Variants in FDFT1 observed in about 807,000 individuals in gnomAD.
FDFT1 encodes the protein farnesyl-diphosphate farnesyltransferase 1, also known as squalene synthase.
Under a neutral mutation model 46.8 loss-of-function variants are expected in FDFT1, and 68 were observed. That is an observed-to-expected ratio of 1.45 (90% CI 1.19 to 1.78). The LOEUF is 1.78. Ranked by LOEUF, FDFT1 falls within the 40% of genes most tolerant of loss-of-function variation. FDFT1 has a pLI of 0.00. For missense variants in FDFT1, 928 were observed against 524.4 expected, an observed-to-expected ratio of 1.77 and a Z score of -7.52; for synonymous variants, 351 against 185.1, an observed-to-expected ratio of 1.90 and a Z score of -7.28.
At chr8:11,828,404 C>CT (rs1193000506) in intron 5 of FDFT1, among the ~76,000 whole-genome samples, 1 of 152,228 alleles carries the variant, frequency 6.6e-6, no homozygotes, top group East Asian at 1.9e-4. Context: ...CCACTCTTGT[C>CT]TTACCCCTCT....
chr8:11,828,620 C>T (rs1007924625), intron 5 of FDFT1, among the ~76,000 whole-genome samples: 1 of 152,252 alleles, frequency 6.6e-6, no homozygotes, highest in Non-Finnish European at 1.5e-5. Flanking sequence ...AGGAGCAGAG[C>T]CCTGCTCTTC....
chr8:11,803,491 TATG>T (rs1333412172), intron 1 of FDFT1: 1 of 1,246,446 alleles, frequency 8.0e-7, no homozygotes. Context: ...ATCTAACGTC[TATG>T]GATTAGCTAG....
At chr8:11,831,731 C>G (rs1282345764) in intron 7 of FDFT1, 61 bp downstream of exon 7, 21 of 1,354,966 alleles carry the variant, frequency 1.5e-5, no homozygotes, top group Non-Finnish European at 2.2e-5. Flanking sequence ...AGTAATGTCA[C>G]TGTTTAACCA....
At chr8:11,807,064 A>G (rs928734554) in intron 1 of FDFT1, among the ~76,000 whole-genome samples, 3 of 150,746 alleles carry the variant, frequency 2.0e-5, no homozygotes, top group Non-Finnish European at 4.4e-5. Flanking sequence ...CTCCCACCAG[A>G]GCCCAGGGTT....
chr8:11,804,764 G>A (rs1334170715), intron 1 of FDFT1, among the ~76,000 whole-genome samples: 1 of 151,492 alleles, frequency 6.6e-6, no homozygotes, highest in African/African-American at 2.4e-5. Context: ...CTGCCACTAC[G>A]CCCGGCTGAT....
chr8:11,808,441 C>G, intron 1 of FDFT1: 1 of 1,270,454 alleles, frequency 7.9e-7, no homozygotes, highest in Non-Finnish European at 9.9e-7. Context: ...AGGGCGAGCC[C>G]GTCCCGCCCC....
At chr8:11,814,442 G>A (rs975495669) in intron 3 of FDFT1, among the ~76,000 whole-genome samples, 4 of 151,918 alleles carry the variant, frequency 2.6e-5, no homozygotes, top group African/African-American at 7.3e-5. Flanking sequence ...GGTGTATTCC[G>A]AGGAAGTTTT....
intron 2 of FDFT1, 78 bp downstream of exon 2, chr8:11,808,969 G>C (rs887810647): frequency 1.3e-6 from 2 of 1,554,046 alleles, no homozygotes; most frequent in Middle Eastern, 1.7e-4. Flanking sequence ...GCTACCTTTT[G>C]ATATAGCGCT....
intron 5 of FDFT1, 66 bp from the exon 6 acceptor site, chr8:11,830,178 A>C (rs1810575310): frequency 7.9e-7 from 1 of 1,273,644 alleles, no homozygotes. Flanking sequence ...AAGACCCTTT[A>C]ATATTGTTTG....
rs1306978491 is a variant in FDFT1 at position 11,831,420 on chromosome 8, C to T, written c.880-98C>T. 6.0e-6 allele frequency: 6 copies of T among 999,438 alleles called. 1 individual carries two copies. The highest frequency in any genetic ancestry group is 4.8e-5 in the East Asian group (2 of 41,418). The allele number at this position is 999,438 out of a possible 1,614,324, so 61.9% of individuals were successfully genotyped here. ...TCCATCTTAGTTGATTAGCAGTTAG[C>T]AATTGCCCATTCAACAGAAGGTTTT... On this transcript the variant is annotated intron_variant, in intron 6 of 7. Coordinates refer to ENST00000220584, the MANE Select transcript of FDFT1 (RefSeq NM_004462.5).
chr8:11,803,157 C>T (rs1316859459), intron 1 of FDFT1: 82 of 1,422,000 alleles, frequency 5.8e-5, no homozygotes, highest in Non-Finnish European at 4.6e-6. Flanking sequence ...TGGGCATGAG[C>T]GACTTTTGCG....
At chr8:11,808,914 C>A (rs767520239) in intron 2 of FDFT1, 23 bp downstream of exon 2, 1 of 1,608,828 alleles carries the variant, frequency 6.2e-7, no homozygotes, top group South Asian at 1.1e-5. Context: ...GGCAGCGCCT[C>A]TGGCTTGGAG....
rs759357216 is a variant in FDFT1 at position 11,838,473 on chromosome 8, A to G, written c.1118A>G (p.Asn373Ser). ...ACCATCCGGACGCAGAATCTTCCCA[A>G]CTGTCAGCTGATTTCCCGAAGCCAC... is the stretch of plus-strand genomic sequence containing the variant. ...ISTIRTQNLP[N>S]CQLISRSHYS... Residue 373 changes from asparagine to serine, a missense_variant, in exon 8 of 8, where the codon AAC becomes AGC. Asn to Ser is a conservative substitution (Grantham distance 46). Transcript: ENST00000220584. 31 of 1,606,096 alleles carry G rather than the reference A, an allele frequency of 1.9e-5. No homozygotes were observed. Among genetic ancestry groups the G allele is most frequent in the Admixed American group, 6.8e-5 (4 of 59,140 alleles).
At chr8:11,825,201 A>G (rs1422196121) in intron 4 of FDFT1, among the ~76,000 whole-genome samples, 1 of 152,158 alleles carries the variant, frequency 6.6e-6, no homozygotes, top group East Asian at 1.9e-4. Context: ...AGAATATTCC[A>G]TCTTTCATCG....
rs143137518 is a variant in FDFT1, at chr8:11,809,835, G to A, written c.366G>A (p.Leu122=). 11 of 1,613,250 alleles carry A rather than the reference G, an allele frequency of 6.8e-6. No individual in the cohort carries two copies. In the African/African-American group the frequency reaches 1.5e-4, roughly 22 times the overall value. Residue 122 remains leucine (L), a synonymous_variant, in exon 3 of 8, where the codon CTG becomes CTA. Coordinates refer to ENST00000220584, the MANE Select transcript of FDFT1 (RefSeq NM_004462.5). ...MESKEKDRQV[L]EDFPTISLEF... The stretch of plus-strand genomic sequence containing the variant: ...GCAAGGAGAAGGATCGCCAGGTGCT[G>A]GAGGACTTCCCAACGGTGAGTGGGG...
intron 3 of FDFT1, among the ~76,000 whole-genome samples, chr8:11,810,482 C>T (rs969124287): frequency 1.3e-5 from 2 of 152,128 alleles, no homozygotes; most frequent in Admixed American, 6.5e-5. Context: ...TCCGTCTCCT[C>T]GTTTGTAAAG....
At position 11,804,138 on chromosome 8, in the gene FDFT1, CT is replaced by C. The variant is rs575193032; in HGVS notation, c.99+1212del. Among the ~76,000 whole-genome samples, 34 of 152,308 alleles carry C rather than the reference CT, an allele frequency of 2.2e-4. 1 individual carries two copies. The South Asian group carries it at 7.0e-3, about 32-fold the overall frequency. ...GAAGACCTTGATTTTATAAAACTTA[CT>C]TTTTAGTGGAAGAGAGACAATTTAA... is the stretch of plus-strand genomic sequence containing the variant. On this transcript the variant is annotated intron_variant, in intron 1 of 7. Coordinates refer to ENST00000220584, the MANE Select transcript of FDFT1 (RefSeq NM_004462.5).
intron 3 of FDFT1, among the ~76,000 whole-genome samples, chr8:11,817,629 C>G (rs189250447): frequency 1.3e-5 from 2 of 152,190 alleles, no homozygotes; most frequent in Non-Finnish European, 2.9e-5. Context: ...TCCATTTCTT[C>G]TGGATTTTCT....
chr8:11,796,554 CAGGG>C (rs1433763328), intron 1 of FDFT1, among the ~76,000 whole-genome samples: 10 of 152,136 alleles, frequency 6.6e-5, no homozygotes, highest in Non-Finnish European at 1.3e-4. Context: ...CCGAGGCAGG[CAGGG>C]GAGTGGGAAG....
Sources: gnomAD v4.1 joint callset for allele counts (sites outside exome capture counted in the v4.1 genomes callset) on GRCh38, gnomAD v4.1.1 for gene constraint, MANE v1.5 for transcripts, NCBI Gene and HGNC (gene_info 2026-07-23, HGNC 2026-07-21) for gene names.